The following DGKG variants were observed in gnomAD, a reference collection of about 807,000 sequenced individuals.
DGKG encodes the protein DAG kinase gamma.
In DGKG, 78 loss-of-function variants were observed where a neutral mutation model predicts 105.3. That is an observed-to-expected ratio of 0.74 (90% CI 0.62 to 0.89). The LOEUF (loss-of-function observed/expected upper bound fraction) is 0.89. DGKG is among the 40% of genes least tolerant of loss of function. The pLI is 0.00. For missense variants in DGKG, 958 were observed against 1,020.1 expected (o/e 0.94, Z 0.83); for synonymous variants, 346 against 367.1 (o/e 0.94, Z 0.66).
intron 19 of DGKG, among the ~76,000 whole-genome samples, chr3:186,243,255 C>T (rs114651250): frequency 1.3e-3 from 202 of 151,844 alleles, no homozygotes; most frequent in African/African-American, 4.8e-3. Flanking sequence ...TCACTTCACT[C>T]GAAGGACTCC....
intron 23 of DGKG, 105 bp from the exon 24 acceptor site, chr3:186,161,768 T>A: frequency 6.5e-7 from 1 of 1,537,994 alleles, no homozygotes; most frequent in South Asian, 1.2e-5. Context: ...TCTGCCTACC[T>A]AAGTGTGGTT....
At chr3:186,356,754 G>A (rs754751539) in intron 1 of DGKG, among the ~76,000 whole-genome samples, 10 of 152,154 alleles carry the variant, frequency 6.6e-5, no homozygotes, top group Non-Finnish European at 1.3e-4. Flanking sequence ...TGAAAAGGGC[G>A]TTGGCCAGGG....
At chr3:186,238,292 TAAAAAAAAAAA>T (rs5855085) in intron 20 of DGKG, among the ~76,000 whole-genome samples, 1 of 81,276 alleles carries the variant, frequency 1.2e-5, no homozygotes, top group South Asian at 6.0e-4. Context: ...TGACTCTTTC[TAAAAAAAAAAA>T]AAAAAAAAAA....
At chr3:186,325,954 T>G (rs1725319661) in intron 1 of DGKG, among the ~76,000 whole-genome samples, 1 of 152,214 alleles carries the variant, frequency 6.6e-6, no homozygotes, top group South Asian at 2.1e-4. Context: ...TCGTACTTCC[T>G]CAGCTCAAGT....
intron 22 of DGKG, among the ~76,000 whole-genome samples, chr3:186,181,561 A>C (rs926723027): frequency 7.2e-5 from 11 of 152,116 alleles, no homozygotes; most frequent in African/African-American, 2.7e-4. Flanking sequence ...GGCGAAACCT[A>C]GTCTTTACTA....
chr3:186,169,766 C>T (rs1173545165), intron 22 of DGKG, among the ~76,000 whole-genome samples: 1 of 152,204 alleles, frequency 6.6e-6, no homozygotes, highest in Non-Finnish European at 1.5e-5. Flanking sequence ...GACTTAGATG[C>T]TCCTCCTCAA....
At chr3:186,306,132 A>G (rs1724224935) in intron 3 of DGKG, among the ~76,000 whole-genome samples, 1 of 152,168 alleles carries the variant, frequency 6.6e-6, no homozygotes. Flanking sequence ...TTTGAGTGGA[A>G]GAGTGAAGGT....
intron 21 of DGKG, among the ~76,000 whole-genome samples, chr3:186,202,758 C>T (rs1718534019): frequency 6.6e-6 from 1 of 152,202 alleles, no homozygotes; most frequent in Non-Finnish European, 1.5e-5. Flanking sequence ...ACCCAACATG[C>T]TGAATCACTT....
chr3:186,171,628 C>T (rs1716822725), intron 22 of DGKG, among the ~76,000 whole-genome samples: 1 of 152,186 alleles, frequency 6.6e-6, no homozygotes, highest in South Asian at 2.1e-4. Context: ...TCAGTACAGG[C>T]ATAACCATCC....
At chr3:186,297,059 CTG>C (rs56175092) in intron 5 of DGKG, among the ~76,000 whole-genome samples, 69,437 of 133,342 alleles carry the variant, frequency 0.52, 17,864 homozygotes, top group Middle Eastern at 0.57. Flanking sequence ...GTCTGTCTGT[CTG>C]TCTCTCTCAC....
At chr3:186,157,672 C>A (rs950048828) in intron 24 of DGKG, among the ~76,000 whole-genome samples, 1 of 152,120 alleles carries the variant, frequency 6.6e-6, no homozygotes, top group African/African-American at 2.4e-5. Context: ...TGTTCAAGTT[C>A]ATTAGAATCA....
At chr3:186,191,783 G>A (rs967803788) in intron 21 of DGKG, among the ~76,000 whole-genome samples, 2 of 152,272 alleles carry the variant, frequency 1.3e-5, no homozygotes, top group South Asian at 2.1e-4. Context: ...CTGCCTTTGC[G>A]TGTATGTGTA....
chr3:186,192,186 A>G (rs1717941863), intron 21 of DGKG, among the ~76,000 whole-genome samples: 1 of 151,654 alleles, frequency 6.6e-6, no homozygotes, highest in South Asian at 2.1e-4. Context: ...TTTTTTTTCT[A>G]TTTTTAGTTG....
At chr3:186,191,903 T>C (rs1717925935) in intron 21 of DGKG, among the ~76,000 whole-genome samples, 1 of 152,240 alleles carries the variant, frequency 6.6e-6, no homozygotes, top group Non-Finnish European at 1.5e-5. Flanking sequence ...TCATGACTTC[T>C]TAGAAACTTA....
At chr3:186,330,027 A>T (rs1158080811) in intron 1 of DGKG, among the ~76,000 whole-genome samples, 1 of 152,184 alleles carries the variant, frequency 6.6e-6, no homozygotes, top group Admixed American at 6.5e-5. Flanking sequence ...ATTGACCAAG[A>T]TCATTTTCAT....
chr3:186,295,267 C>A (rs1723493581), intron 5 of DGKG, among the ~76,000 whole-genome samples: 1 of 152,008 alleles, frequency 6.6e-6, no homozygotes, highest in Non-Finnish European at 1.5e-5. Context: ...CTTTGGGAGG[C>A]CGAGGTGGGC....
At chr3:186,173,858 C>T (rs527344562) in intron 22 of DGKG, among the ~76,000 whole-genome samples, 1 of 152,368 alleles carries the variant, frequency 6.6e-6, no homozygotes, top group South Asian at 2.1e-4. Flanking sequence ...AAAGCTCTAA[C>T]TGGTCCATCT....
At chr3:186,359,648 G>A (rs1727137061) in intron 1 of DGKG, among the ~76,000 whole-genome samples, 5 of 152,050 alleles carry the variant, frequency 3.3e-5, no homozygotes, top group Admixed American at 3.3e-4. Context: ...AGGATTAAAG[G>A]ATATAATGAA....
chr3:186,176,810 G>A (rs907547372), intron 22 of DGKG, among the ~76,000 whole-genome samples: 113 of 152,230 alleles, frequency 7.4e-4, no homozygotes, highest in African/African-American at 2.7e-3. Flanking sequence ...ATAGACCTGA[G>A]GATGAAAAGA....
Sources: allele counts gnomAD v4.1 joint callset (sites outside exome capture counted in the v4.1 genomes callset), GRCh38; gene constraint gnomAD v4.1.1; transcripts MANE v1.5; gene names NCBI Gene and HGNC (gene_info 2026-07-23, HGNC 2026-07-21).